The following GTF2E1 variants were observed in gnomAD, a reference collection of about 807,000 sequenced individuals.
The protein encoded by GTF2E1 is TFIIE alpha subunit.
Under a neutral mutation model 34.9 loss-of-function variants are expected in GTF2E1, and 14 were observed. That is an observed-to-expected ratio of 0.40 (90% CI 0.27 to 0.63). The LOEUF (loss-of-function observed/expected upper bound fraction) is 0.63, where lower values mean the gene tolerates loss of function less well. GTF2E1 is among the 20% of genes least tolerant of loss of function. GTF2E1 has a pLI of 0.39. For missense variants in GTF2E1, 469 were observed against 557.7 expected (o/e 0.84, Z 1.60); for synonymous variants, 188 against 192.9 (o/e 0.97, Z 0.21).
chr3:120,781,543 T>C lies in GTF2E1; in HGVS notation c.*73T>C. On this transcript the variant is annotated 3_prime_UTR_variant, in exon 5 of 5. Transcript: ENST00000283875. ...AATGTCTCATCTTTGAAGAAAAGTATTTAAGTGGCTTTCTGCCCCTCTTGA... is the reference window on the plus strand; with the variant it reads ...AATGTCTCATCTTTGAAGAAAAGTACTTAAGTGGCTTTCTGCCCCTCTTGA... The C allele has an allele frequency of 8.6e-7, 1 of 1,161,574 alleles. No homozygotes were observed. The highest frequency in any genetic ancestry group is 1.2e-6 in the Non-Finnish European group (1 of 803,288). The allele number at this position is 1,161,574 out of a possible 1,614,324, so 72.0% of individuals were successfully genotyped here.
At chr3:120,748,644 G>C (rs1335778501) in intron 1 of GTF2E1, among the ~76,000 whole-genome samples, 1 of 152,154 alleles carries the variant, frequency 6.6e-6, no homozygotes, top group South Asian at 2.1e-4. Context: ...TGCTGTTTTG[G>C]TTACTGTAGC....
rs1709402501 is a variant in GTF2E1, at chr3:120,776,560, A to T, written c.788A>T (p.Asp263Val). ...NVVINMDDQE[D>V]LHRASLEGKS... ...GTCATTAACATGGATGACCAAGAAGATCTTCATCGAGCCTCACTGGAAGGG... is the reference window on the plus strand; with the variant it reads ...GTCATTAACATGGATGACCAAGAAGTTCTTCATCGAGCCTCACTGGAAGGG... The change falls in exon 4 of 5, where the codon GAT becomes GTT. Residue 263 changes from aspartate to valine, a missense_variant. Physicochemically the swap from Asp to Val is radical, Grantham distance 152. Transcript: ENST00000283875. 9 of 1,613,910 alleles carry T rather than the reference A, an allele frequency of 5.6e-6. No homozygotes were observed. The highest frequency in any genetic ancestry group is 1.3e-5 in the African/African-American group (1 of 74,906).
intron 2 of GTF2E1, among the ~76,000 whole-genome samples, chr3:120,755,505 C>G: frequency 6.6e-6 from 1 of 152,014 alleles, no homozygotes; most frequent in East Asian, 1.9e-4. Context: ...TTTTTTGTGG[C>G]TAAATAGGTG....
chr3:120,756,752 C>T (rs953099936), intron 2 of GTF2E1, among the ~76,000 whole-genome samples: 21 of 151,936 alleles, frequency 1.4e-4, no homozygotes, highest in African/African-American at 4.6e-4. Flanking sequence ...ATAGCAAAAC[C>T]CCATCTCTAC....
intron 2 of GTF2E1, among the ~76,000 whole-genome samples, chr3:120,764,609 T>A (rs1709291577): frequency 1.3e-5 from 2 of 152,244 alleles, no homozygotes; most frequent in South Asian, 2.1e-4. Context: ...TCATTTTATA[T>A]ACTGGACTGA....
rs921283864 is a variant in GTF2E1, at chr3:120,770,715, G to A, written c.449-13G>A. Reference sequence around the variant, plus strand: ...GTCTTCTCTCTGACCTGAGATACTTGTTTTCTCTGTAGGAACTTTCCGCTG... The same window carrying A: ...GTCTTCTCTCTGACCTGAGATACTTATTTTCTCTGTAGGAACTTTCCGCTG... On this transcript the variant is annotated splice_polypyrimidine_tract_variant and intron_variant, in intron 2 of 4. Transcript: ENST00000283875. 1 of 1,603,118 alleles carries A rather than the reference G, an allele frequency of 6.2e-7. No individual in the cohort carries two copies. Among genetic ancestry groups the A allele is most frequent in the Non-Finnish European group, 8.5e-7 (1 of 1,170,324 alleles).
intron 2 of GTF2E1, among the ~76,000 whole-genome samples, chr3:120,758,264 C>T (rs924987458): frequency 9.9e-5 from 15 of 152,004 alleles, no homozygotes; most frequent in African/African-American, 2.9e-4. Context: ...GTGGCTTTTC[C>T]GCTCACTGCA....
intron 2 of GTF2E1, among the ~76,000 whole-genome samples, chr3:120,765,818 C>A (rs1709302819): frequency 6.6e-6 from 1 of 152,158 alleles, no homozygotes; most frequent in African/African-American, 2.4e-5. Flanking sequence ...TTATAGAACT[C>A]CTTTTTTCCT....
intron 2 of GTF2E1, among the ~76,000 whole-genome samples, chr3:120,766,047 T>C (rs1312772820): frequency 6.6e-6 from 1 of 152,210 alleles, no homozygotes; most frequent in South Asian, 2.1e-4. Context: ...TTGAGTAGTA[T>C]AGTCTATGTA....
At chr3:120,747,424 T>C (rs112260322) in intron 1 of GTF2E1, among the ~76,000 whole-genome samples, 50 of 152,012 alleles carry the variant, frequency 3.3e-4, no homozygotes, top group African/African-American at 1.1e-3. Flanking sequence ...TAGGCCCCAG[T>C]GTGTGATGTT....
chr3:120,760,554 T>C (rs1299270334), intron 2 of GTF2E1, among the ~76,000 whole-genome samples: 1 of 152,210 alleles, frequency 6.6e-6, no homozygotes, highest in Non-Finnish European at 1.5e-5. Flanking sequence ...AGTATGATAT[T>C]GGCTGTGGGT....
Position 120,742,754 on chromosome 3 carries a change from C to CT in GTF2E1, c.-70dup, listed in dbSNP as rs1348925203. ...TTCATTTAAGCCGGTAGTTGAAGCG[C>CT]TGGGGGCAGCTGTAGTGGGAGTGTT... On this transcript the variant is annotated 5_prime_UTR_variant, in exon 1 of 5. Coordinates refer to ENST00000283875, the MANE Select transcript of GTF2E1 (RefSeq NM_005513.3). 5 of 553,364 alleles carry CT rather than the reference C, an allele frequency of 9.0e-6. No homozygotes were observed. The highest frequency in any genetic ancestry group is 1.6e-5 in the Non-Finnish European group (5 of 307,412). The allele number at this position is 553,364 out of a possible 1,614,324, so 34.3% of individuals were successfully genotyped here.
At chr3:120,746,428 G>T (rs1709105617) in intron 1 of GTF2E1, among the ~76,000 whole-genome samples, 1 of 151,884 alleles carries the variant, frequency 6.6e-6, no homozygotes, top group African/African-American at 2.4e-5. Flanking sequence ...GGCAGAAGTT[G>T]CAGTGAGCCG....
At chr3:120,770,099 A>T (rs1709339810) in intron 2 of GTF2E1, among the ~76,000 whole-genome samples, 1 of 152,148 alleles carries the variant, frequency 6.6e-6, no homozygotes, top group Admixed American at 6.5e-5. Context: ...TTCCCTTTTA[A>T]TCTTTCAAGT....
chr3:120,745,327 A>T (rs781194023), intron 1 of GTF2E1, among the ~76,000 whole-genome samples: 6 of 152,180 alleles, frequency 3.9e-5, no homozygotes, highest in Non-Finnish European at 7.3e-5. Flanking sequence ...AAGTCCTCAT[A>T]TCACTCCCTT....
intron 1 of GTF2E1, among the ~76,000 whole-genome samples, chr3:120,747,164 T>G (rs1012914630): frequency 6.6e-6 from 1 of 151,634 alleles, no homozygotes; most frequent in Non-Finnish European, 1.5e-5. Flanking sequence ...AGTGCAATGG[T>G]GTAATCTTGG....
intron 2 of GTF2E1, among the ~76,000 whole-genome samples, chr3:120,751,533 A>G (rs1709164721): frequency 1.3e-5 from 2 of 152,206 alleles, no homozygotes; most frequent in South Asian, 4.1e-4. Flanking sequence ...TGTCCTTTAG[A>G]TACACATTAT....
At chr3:120,760,410 T>C (rs1328412161) in intron 2 of GTF2E1, among the ~76,000 whole-genome samples, 1 of 152,212 alleles carries the variant, frequency 6.6e-6, no homozygotes, top group Non-Finnish European at 1.5e-5. Context: ...CCTAATTGAA[T>C]ACCCTTTATT....
chr3:120,771,421 C>T (rs1208997893), intron 3 of GTF2E1, among the ~76,000 whole-genome samples: 1 of 152,134 alleles, frequency 6.6e-6, no homozygotes, highest in Non-Finnish European at 1.5e-5. Context: ...CTAACAGTGG[C>T]TCCCTATTTT....
Sources: allele counts gnomAD v4.1 joint callset (sites outside exome capture counted in the v4.1 genomes callset), GRCh38; gene constraint gnomAD v4.1.1; transcripts MANE v1.5; gene names NCBI Gene and HGNC (gene_info 2026-07-23, HGNC 2026-07-21).